NCOA1: variants seen among roughly 807,000 people sequenced by gnomAD.
NCOA1 encodes the protein nuclear receptor coactivator 1.
In NCOA1, 35 loss-of-function variants were observed where a neutral mutation model predicts 150.9. That is an observed-to-expected ratio of 0.23 (90% CI 0.18 to 0.31). NCOA1 has a LOEUF of 0.31. NCOA1 is among the 10% of genes least tolerant of loss of function. The pLI is 1.00. For synonymous variants in NCOA1, 590 were observed against 630.0 expected (o/e 0.94, Z 0.95); for missense variants, 1,491 against 1,749.3 (o/e 0.85, Z 2.63).
chr2:24,745,520 G>A (rs1319664710), intron 19 of NCOA1, among the ~76,000 whole-genome samples: 1 of 152,164 alleles, frequency 6.6e-6, no homozygotes, highest in Non-Finnish European at 1.5e-5. Context: ...GGTTTCTTTA[G>A]TGTATCTGCC....
rs191582926 is a variant in NCOA1 at position 24,585,380 on chromosome 2, A to G, written c.-175+820A>G. ...ACTTTGTGATTTTTTTTATGTATAG[A>G]AGTTTTGAAATGTTTAAGTATTCAG... is the stretch of plus-strand genomic sequence containing the variant. On this transcript the variant is annotated intron_variant, in intron 3 of 22. Transcript: ENST00000348332. Among the ~76,000 whole-genome samples the G allele has an allele frequency of 4.6e-5, 7 of 152,046 alleles. No individual in the cohort carries two copies. The East Asian group carries it at 1.4e-3, about 29-fold the overall frequency.
At chr2:24,743,391 G>A (rs866250486) in intron 19 of NCOA1, among the ~76,000 whole-genome samples, 1 of 152,126 alleles carries the variant, frequency 6.6e-6, no homozygotes, top group Admixed American at 6.5e-5. Flanking sequence ...ATCAAATTAA[G>A]TATCTAAAGA....
intron 1 of NCOA1, among the ~76,000 whole-genome samples, chr2:24,519,432 A>G (rs957679894): frequency 3.3e-5 from 5 of 152,072 alleles, no homozygotes; most frequent in Non-Finnish European, 5.9e-5. Flanking sequence ...AAAATTGACT[A>G]TGGTGATGGT....
intron 11 of NCOA1, among the ~76,000 whole-genome samples, chr2:24,702,337 T>C (rs17792419): frequency 0.018 from 2,679 of 152,328 alleles, 27 homozygotes; most frequent in South Asian, 0.035. Context: ...TAATTCTTTA[T>C]CTTTTTCTGC....
intron 3 of NCOA1, among the ~76,000 whole-genome samples, chr2:24,614,060 G>A (rs1668755619): frequency 6.6e-6 from 1 of 151,832 alleles, no homozygotes; most frequent in African/African-American, 2.4e-5. Context: ...GTCTGATAGT[G>A]TCTTACCTGA....
chr2:24,596,494 C>G (rs892022101), intron 3 of NCOA1, among the ~76,000 whole-genome samples: 1 of 151,858 alleles, frequency 6.6e-6, no homozygotes, highest in Non-Finnish European at 1.5e-5. Flanking sequence ...AATATAGGAC[C>G]AAAGCCCAAA....
intron 7 of NCOA1, among the ~76,000 whole-genome samples, chr2:24,681,949 C>T (rs550456610): frequency 1.8e-4 from 28 of 152,186 alleles, no homozygotes; most frequent in Middle Eastern, 3.4e-3. Context: ...CTCTTGACCT[C>T]GTGATCCACC....
rs1670349461 is a variant in NCOA1, at chr2:24,643,960, T to G, written c.-174-6T>G. 1 of 152,210 alleles carries G rather than the reference T, an allele frequency of 6.6e-6. No individual in the cohort carries two copies. Among genetic ancestry groups the G allele is most frequent in the Non-Finnish European group, 1.5e-5 (1 of 68,036 alleles). 9.4% of individuals were successfully genotyped at this position (152,210 alleles called of 1,614,324 possible). On this transcript the variant is annotated splice_region_variant and splice_polypyrimidine_tract_variant and intron_variant, in intron 3 of 22. Transcript: ENST00000348332. ...TTCTGCTTTTATTTTTGTCTTTTTA[T>G]TCTAGTTGTTTATATAATTGGCCTT...
At chr2:24,719,028 CAAAAAAAAA>C (rs59556004) in intron 14 of NCOA1, among the ~76,000 whole-genome samples, 2 of 34,456 alleles carry the variant, frequency 5.8e-5, no homozygotes, top group Non-Finnish European at 1.0e-4. Context: ...GACTCTGTCC[CAAAAAAAAA>C]AAAAAAAAAA....
chr2:24,729,389 T>C, intron 16 of NCOA1, 112 bp from the exon 17 acceptor site: 1 of 1,054,302 alleles, frequency 9.5e-7, no homozygotes, highest in African/African-American at 1.6e-5. Context: ...AGTAAACTTC[T>C]GGAGAGCATG....
At chr2:24,528,500 C>T (rs1216412438) in intron 1 of NCOA1, among the ~76,000 whole-genome samples, 1 of 151,924 alleles carries the variant, frequency 6.6e-6, no homozygotes, top group Non-Finnish European at 1.5e-5. Flanking sequence ...GTGCGTTCCA[C>T]CACACCCGGT....
In NCOA1 at chr2:24,576,154, TTTTTTTTTGTTTTTTG is replaced by T. The variant is rs1666956735; in HGVS notation, c.-259-8313_-259-8298del. On this transcript the variant is annotated intron_variant, in intron 2 of 22. Transcript: ENST00000348332. ...TCAGAAATTATTTGGCCTTTGTTTTTTTTTTTTTGTTTTTTGTTTTTTTTTTTTTTTTTTTTTGTTT... is the reference window on the plus strand; with the variant it reads ...TCAGAAATTATTTGGCCTTTGTTTTTTTTTTTTTTTTTTTTTTTTTTGTTT... 1.7e-3 allele frequency among the ~76,000 whole-genome samples: 156 copies of T among 94,032 alleles called. 2 individuals are homozygous for T. Among genetic ancestry groups the T allele is most frequent in the South Asian group, 2.7e-3 (8 of 3,000 alleles). 61.7% of individuals were successfully genotyped at this position (94,032 alleles called of 152,430 possible).
chr2:24,556,244 C>T (rs112748078), intron 1 of NCOA1, among the ~76,000 whole-genome samples: 6 of 152,094 alleles, frequency 3.9e-5, no homozygotes, highest in Admixed American at 2.0e-4. Flanking sequence ...TGAGAACATG[C>T]GGTGTTTGGT....
At chr2:24,747,628 C>T (rs1318742657) in intron 19 of NCOA1, among the ~76,000 whole-genome samples, 1 of 152,064 alleles carries the variant, frequency 6.6e-6, no homozygotes, top group Non-Finnish European at 1.5e-5. Flanking sequence ...CACACCAAGG[C>T]TATATTTCTT....
At chr2:24,634,708 A>ACCCCCCCCCCCCCC (rs530645429) in intron 3 of NCOA1, among the ~76,000 whole-genome samples, 10 of 39,716 alleles carry the variant, frequency 2.5e-4, no homozygotes, top group Admixed American at 3.4e-4. Context: ...TAGGGGAGGA[A>ACCCCCCCCCCCCCC]CCCCCCCCCC....
chr2:24,757,970 C>T lies in NCOA1; in HGVS notation c.3882-3C>T, dbSNP rs1664584653. 6.2e-7 allele frequency: 1 copy of T among 1,612,534 alleles called. No homozygotes were observed. The highest frequency in any genetic ancestry group is 1.3e-5 in the African/African-American group (1 of 74,838). ...GTAATCTGGATTGTTTTTGAGTTTA[C>T]AGTGTGTTCAGTCAAGCTGTCCAGA... On this transcript the variant is annotated splice_polypyrimidine_tract_variant and splice_region_variant and intron_variant, in intron 20 of 22. Coordinates refer to ENST00000348332, the MANE Select transcript of NCOA1 (RefSeq NM_003743.5).
At chr2:24,612,069 G>A (rs539364224) in intron 3 of NCOA1, among the ~76,000 whole-genome samples, 160 of 152,212 alleles carry the variant, frequency 1.1e-3, no homozygotes, top group Admixed American at 1.9e-3. Flanking sequence ...TCATTTCCAC[G>A]TTTAGAATTC....
Position 24,706,644 on chromosome 2 carries a change from C to G in NCOA1, c.1174C>G (p.Pro392Ala). Residue 392 changes from proline (P) to alanine (A), a missense_variant, in exon 13 of 23, where the codon CCT becomes GCT. Around this residue, in one of 8 missense-constraint regions of NCOA1, gnomAD observed 703 missense variants for 717.7 expected, o/e 0.98. Coordinates refer to ENST00000348332, the MANE Select transcript of NCOA1 (RefSeq NM_003743.5). The stretch of plus-strand genomic sequence containing the variant: ...TCCCCGAGTAAATCCCTCGGTCAAT[C>G]CTAGTATCTCTCCAGCTCATGGTGT... ...SIPRVNPSVNPSISPAHGVAR... is the reference protein window; with the variant it reads ...SIPRVNPSVNASISPAHGVAR... 1.2e-6 allele frequency: 2 copies of G among 1,614,192 alleles called. No individual in the cohort carries two copies. The highest frequency in any genetic ancestry group is 8.5e-7 in the Non-Finnish European group (1 of 1,180,030).
At chr2:24,520,586 A>G (rs1004409331) in intron 1 of NCOA1, among the ~76,000 whole-genome samples, 1 of 152,222 alleles carries the variant, frequency 6.6e-6, no homozygotes, top group Non-Finnish European at 1.5e-5. Flanking sequence ...TTGTCTGCAG[A>G]TTGTGTTGAG....
Sources: allele counts gnomAD v4.1 joint callset (sites outside exome capture counted in the v4.1 genomes callset), GRCh38; gene constraint gnomAD v4.1.1; regional missense constraint gnomAD v4.1.1; transcripts MANE v1.5; gene names NCBI Gene and HGNC (gene_info 2026-07-23, HGNC 2026-07-21).